The following HACD2 variants were observed in gnomAD, a reference collection of about 807,000 sequenced individuals.
The protein encoded by HACD2 is 3-hydroxyacyl-CoA dehydratase 2, also known as very-long-chain (3R)-3-hydroxyacyl-CoA dehydratase 2.
A neutral mutation model predicts 31.0 loss-of-function variants in HACD2; 15 were observed. The ratio of observed to expected loss-of-function variants is 0.48; its 90% CI spans 0.32 to 0.75. The LOEUF is 0.75. HACD2 is among the 30% of genes least tolerant of loss of function. The probability of loss-of-function intolerance (pLI) is 0.03; values close to 1 mark genes in which losing one functional copy is unlikely to be tolerated. For synonymous variants in HACD2, 115 were observed against 122.2 expected (o/e 0.94, Z 0.39); for missense variants, 283 against 313.0 (o/e 0.90, Z 0.72).
chr3:123,545,909 C>G (rs2056554583), intron 3 of HACD2, among the ~76,000 whole-genome samples: 1 of 151,848 alleles, frequency 6.6e-6, no homozygotes, highest in African/African-American at 2.4e-5. Context: ...TGGGGTTTCA[C>G]CATGTTGCCC....
intron 4 of HACD2, among the ~76,000 whole-genome samples, 160 bp downstream of exon 4, chr3:123,528,226 T>C (rs2056308785): frequency 6.6e-6 from 1 of 152,236 alleles, no homozygotes; most frequent in South Asian, 2.1e-4. Context: ...TTTCCCACTA[T>C]TAACCCAGTT....
At chr3:123,539,451 T>C (rs2107717503) in intron 3 of HACD2, among the ~76,000 whole-genome samples, 1 of 151,878 alleles carries the variant, frequency 6.6e-6, no homozygotes, top group South Asian at 2.1e-4. Context: ...GTGCCTATAG[T>C]CCCAGCTACT....
chr3:123,533,853 A>G (rs1314459648), intron 3 of HACD2, among the ~76,000 whole-genome samples: 5 of 152,220 alleles, frequency 3.3e-5, no homozygotes, highest in Non-Finnish European at 7.3e-5. Flanking sequence ...GTGACCAAAC[A>G]TTTGTAAACA....
chr3:123,505,376 G>A (rs1201637990), intron 4 of HACD2, among the ~76,000 whole-genome samples: 1 of 152,166 alleles, frequency 6.6e-6, no homozygotes, highest in Non-Finnish European at 1.5e-5. Flanking sequence ...TTATGCAACT[G>A]AACTATACAC....
intron 1 of HACD2, among the ~76,000 whole-genome samples, chr3:123,583,790 C>A (rs2056991728): frequency 6.6e-6 from 1 of 152,146 alleles, no homozygotes; most frequent in African/African-American, 2.4e-5. Flanking sequence ...ACAAAATTAA[C>A]TGCCTCGAGG....
intron 3 of HACD2, among the ~76,000 whole-genome samples, chr3:123,544,434 A>G (rs1200204065): frequency 6.6e-6 from 1 of 152,234 alleles, no homozygotes. Context: ...ATATTTTTTC[A>G]TATCAATCTT....
intron 4 of HACD2, among the ~76,000 whole-genome samples, chr3:123,515,548 C>T (rs898761169): frequency 1.5e-4 from 23 of 151,990 alleles, no homozygotes; most frequent in Non-Finnish European, 3.1e-4. Flanking sequence ...CTGGTTGGTC[C>T]GTCAGCTGAG....
At chr3:123,528,296 G>C in intron 4 of HACD2, 90 bp downstream of exon 4, 1 of 803,834 alleles carries the variant, frequency 1.2e-6, no homozygotes, top group South Asian at 1.4e-5. Context: ...CTCTGACCTG[G>C]AACTCTTTAG....
intron 1 of HACD2, among the ~76,000 whole-genome samples, chr3:123,582,615 G>A (rs1415632804): frequency 6.6e-6 from 1 of 152,084 alleles, no homozygotes; most frequent in Non-Finnish European, 1.5e-5. Context: ...CAAAAGGAAA[G>A]GAATAAGCTA....
chr3:123,515,646 T>G (rs1410762001), intron 4 of HACD2, among the ~76,000 whole-genome samples: 8 of 152,156 alleles, frequency 5.3e-5, no homozygotes, highest in Non-Finnish European at 1.2e-4. Flanking sequence ...AAATGTTAAG[T>G]CATTTGGTTA....
intron 1 of HACD2, among the ~76,000 whole-genome samples, chr3:123,582,549 G>A (rs915279791): frequency 5.3e-5 from 8 of 152,212 alleles, no homozygotes; most frequent in African/African-American, 1.9e-4. Flanking sequence ...AAGCATAGTG[G>A]CACCTCACCC....
rs1307061143 is a variant in HACD2 at position 123,534,832 on chromosome 3, A to C, written c.293-6358T>G. On this transcript the variant is annotated intron_variant, in intron 3 of 6. Coordinates refer to ENST00000383657, the MANE Select transcript of HACD2 (RefSeq NM_198402.5). ...TGTGTGTCTTAGTTTTTAACAAAAA[A>C]GTTTTAAAGAGTAAAAAAAGAAATT... Among the ~76,000 whole-genome samples, 9 of 53,544 alleles carry C rather than the reference A, an allele frequency of 1.7e-4. No homozygotes were observed. The Admixed American group carries it at 1.8e-3, about 11-fold the overall frequency. The allele number at this position is 53,544 out of a possible 152,430, so 35.1% of individuals were successfully genotyped here.
At chr3:123,551,354 C>T (rs1223432868) in intron 3 of HACD2, among the ~76,000 whole-genome samples, 1 of 152,112 alleles carries the variant, frequency 6.6e-6, no homozygotes, top group African/African-American at 2.4e-5. Flanking sequence ...CACGGTGGCT[C>T]ACACTTGTAA....
intron 3 of HACD2, among the ~76,000 whole-genome samples, chr3:123,539,352 T>G (rs947866774): frequency 2.0e-5 from 3 of 152,020 alleles, no homozygotes; most frequent in Admixed American, 2.0e-4. Flanking sequence ...GGCAGATCAC[T>G]TGAGGTCAGG....
intron 4 of HACD2, among the ~76,000 whole-genome samples, chr3:123,510,444 T>C (rs182804937): frequency 2.3e-3 from 352 of 152,288 alleles, no homozygotes; most frequent in Non-Finnish European, 2.6e-3. Flanking sequence ...GACAGGGTTT[T>C]GTCATGTTGG....
intron 4 of HACD2, among the ~76,000 whole-genome samples, chr3:123,521,431 A>G (rs1357175740): frequency 6.6e-6 from 1 of 152,082 alleles, no homozygotes; most frequent in Non-Finnish European, 1.5e-5. Context: ...GGACCGTAGG[A>G]TATTTTTCTC....
intron 1 of HACD2, chr3:123,584,527 G>C (rs552161478): frequency 2.8e-5 from 6 of 210,540 alleles, no homozygotes; most frequent in Non-Finnish European, 2.8e-5. Context: ...CGCCCAGGAC[G>C]GGCTCCGCGC....
chr3:123,529,243 G>A (rs1216834852), intron 3 of HACD2, among the ~76,000 whole-genome samples: 1 of 152,140 alleles, frequency 6.6e-6, no homozygotes, highest in Non-Finnish European at 1.5e-5. Context: ...TGGGACTACA[G>A]GCATGTGCCA....
chr3:123,521,118 A>T (rs1204491632), intron 4 of HACD2, among the ~76,000 whole-genome samples: 1 of 152,180 alleles, frequency 6.6e-6, no homozygotes, highest in Non-Finnish European at 1.5e-5. Flanking sequence ...GACACATCTT[A>T]TGCTTGAAGA....
Sources: gnomAD v4.1 joint callset for allele counts (sites outside exome capture counted in the v4.1 genomes callset) on GRCh38, gnomAD v4.1.1 for gene constraint, MANE v1.5 for transcripts, NCBI Gene and HGNC (gene_info 2026-07-23, HGNC 2026-07-21) for gene names.